CNTN6: variants seen among roughly 807,000 people sequenced by gnomAD.
CNTN6 encodes the protein contactin-6.
Under a neutral mutation model 122.8 loss-of-function variants are expected in CNTN6, and 137 were observed. The observed-to-expected ratio is 1.12, with a 90% CI of 0.97 to 1.29. The LOEUF is 1.29. Among genes scored for constraint, CNTN6 ranks in the 50% most tolerant of loss-of-function variants. The pLI, the probability that CNTN6 is intolerant of heterozygous loss-of-function variation, is 0.00. For synonymous variants in CNTN6, 570 were observed against 426.0 expected (o/e 1.34, Z -4.16); for missense variants, 1,634 against 1,223.4 (o/e 1.34, Z -5.01).
At chr3:1,297,372 T>C (rs755749421) in intron 6 of CNTN6, among the ~76,000 whole-genome samples, 1 of 152,184 alleles carries the variant, frequency 6.6e-6, no homozygotes, top group Non-Finnish European at 1.5e-5. Context: ...GTATTTACAA[T>C]AGGTTATACC....
At chr3:1,181,190 C>T (rs1031172622) in intron 2 of CNTN6, among the ~76,000 whole-genome samples, 1 of 152,076 alleles carries the variant, frequency 6.6e-6, no homozygotes, top group African/African-American at 2.4e-5. Context: ...CTCTGTGAAG[C>T]AGTACTATTT....
In CNTN6 at chr3:1,305,837, T is replaced by C. The variant is rs374985253; in HGVS notation, c.761+7846T>C. 1.1e-4 allele frequency among the ~76,000 whole-genome samples: 17 copies of C among 152,280 alleles called. No homozygotes were observed. In the East Asian group the frequency reaches 2.9e-3, roughly 26 times the overall value. On this transcript the variant is annotated intron_variant, in intron 7 of 22. Coordinates refer to ENST00000446702, the MANE Select transcript of CNTN6 (RefSeq NM_001289080.2). ...TTTTTCTAATTTATGAAGCTAAAGATACCCAGCTTGGCTATTAATGTCAAG... is the reference window on the plus strand; with the variant it reads ...TTTTTCTAATTTATGAAGCTAAAGACACCCAGCTTGGCTATTAATGTCAAG...
chr3:1,104,750 C>A (rs1490809425), intron 1 of CNTN6, among the ~76,000 whole-genome samples: 1 of 151,732 alleles, frequency 6.6e-6, no homozygotes, highest in Admixed American at 6.6e-5. Flanking sequence ...TATGTGTGTA[C>A]GTGTGTGCGT....
At chr3:1,357,409 C>T (rs1706748401) in intron 12 of CNTN6, among the ~76,000 whole-genome samples, 1 of 151,772 alleles carries the variant, frequency 6.6e-6, no homozygotes. Context: ...TATTATTATT[C>T]ATTACTATTT....
chr3:1,118,090 T>C (rs1316004450), intron 1 of CNTN6, among the ~76,000 whole-genome samples: 1 of 152,172 alleles, frequency 6.6e-6, no homozygotes, highest in African/African-American at 2.4e-5. Flanking sequence ...GAGGATTAAA[T>C]TATATGCTCC....
chr3:1,287,864 C>G (rs930413122), intron 5 of CNTN6, among the ~76,000 whole-genome samples: 1 of 152,176 alleles, frequency 6.6e-6, no homozygotes, highest in African/African-American at 2.4e-5. Context: ...CCTCCTCTTT[C>G]CCAGAAAACT....
intron 14 of CNTN6, 50 bp from the exon 15 acceptor site, chr3:1,373,554 A>G: frequency 7.0e-6 from 11 of 1,567,188 alleles, no homozygotes; most frequent in Non-Finnish European, 9.5e-6. Flanking sequence ...GTACCAAATT[A>G]ATGAATGTAA....
chr3:1,122,295 G>C (rs1052560322), intron 1 of CNTN6, among the ~76,000 whole-genome samples: 2 of 147,726 alleles, frequency 1.4e-5, no homozygotes, highest in Non-Finnish European at 3.0e-5. Flanking sequence ...AAGAGGAAGA[G>C]AGAAATAAAT....
intron 10 of CNTN6, among the ~76,000 whole-genome samples, chr3:1,328,321 A>T (rs1701820483): frequency 6.6e-6 from 1 of 151,856 alleles, no homozygotes; most frequent in South Asian, 2.1e-4. Flanking sequence ...GGTGTCTGCC[A>T]CAATAAATGA....
At chr3:1,300,404 G>A (rs976363646) in intron 7 of CNTN6, among the ~76,000 whole-genome samples, 12 of 150,698 alleles carry the variant, frequency 8.0e-5, no homozygotes, top group Middle Eastern at 3.4e-3. Flanking sequence ...CTCTGTCTCA[G>A]GATTGATGAC....
At chr3:1,100,059 C>A (rs1163226013) in intron 1 of CNTN6, among the ~76,000 whole-genome samples, 12 of 151,846 alleles carry the variant, frequency 7.9e-5, no homozygotes, top group Non-Finnish European at 4.4e-5. Flanking sequence ...TTTAAACTGC[C>A]CCCAATATTT....
At chr3:1,229,907 C>T (rs1405143132) in intron 4 of CNTN6, among the ~76,000 whole-genome samples, 1 of 152,158 alleles carries the variant, frequency 6.6e-6, no homozygotes, top group Admixed American at 6.5e-5. Context: ...AATCTTTCTT[C>T]TGCAAAGTTA....
rs115515101 is a variant in CNTN6, at chr3:1,137,208, C to A, written c.-82-10719C>A. On this transcript the variant is annotated intron_variant, in intron 1 of 22. Transcript: ENST00000446702. Reference sequence around the variant, plus strand: ...AGGTAATATGAAAGAGTGAAGGGAACTAGGTGTGAGACAATAGGGGGTGTC... The same window carrying A: ...AGGTAATATGAAAGAGTGAAGGGAAATAGGTGTGAGACAATAGGGGGTGTC... Among the ~76,000 whole-genome samples, 250 of 152,232 alleles carry A rather than the reference C, an allele frequency of 1.6e-3. 1 individual carries two copies. Among genetic ancestry groups the A allele is most frequent in the Non-Finnish European group, 2.9e-3 (196 of 68,020 alleles).
intron 11 of CNTN6, among the ~76,000 whole-genome samples, chr3:1,342,124 TTTTGTTTG>T (rs569765087): frequency 4.6e-4 from 70 of 152,070 alleles, no homozygotes; most frequent in African/African-American, 1.5e-3. Flanking sequence ...GGTCTATTTC[TTTTGTTTG>T]TTTGTTTGTT....
At chr3:1,142,679 C>G (rs1158574588) in intron 1 of CNTN6, among the ~76,000 whole-genome samples, 1 of 151,856 alleles carries the variant, frequency 6.6e-6, no homozygotes, top group Non-Finnish European at 1.5e-5. Context: ...TCAGCCCTGC[C>G]TTTGTAGCAC....
At chr3:1,349,427 T>C (rs1705272379) in intron 11 of CNTN6, among the ~76,000 whole-genome samples, 1 of 151,844 alleles carries the variant, frequency 6.6e-6, no homozygotes, top group South Asian at 2.1e-4. Context: ...GAAGCATATA[T>C]GCAAATGAAG....
intron 1 of CNTN6, among the ~76,000 whole-genome samples, chr3:1,146,251 G>A (rs1238929300): frequency 6.6e-6 from 1 of 151,930 alleles, no homozygotes; most frequent in African/African-American, 2.4e-5. Flanking sequence ...GTATATTTCA[G>A]CCTCTTTCCC....
chr3:1,392,879 A>G (rs1211088599), intron 20 of CNTN6, among the ~76,000 whole-genome samples: 1 of 129,746 alleles, frequency 7.7e-6, no homozygotes, highest in African/African-American at 2.9e-5. Flanking sequence ...ACCACTTAGA[A>G]TGGCGATCAT....
chr3:1,255,282 G>C (rs2094735351), intron 4 of CNTN6, among the ~76,000 whole-genome samples: 1 of 152,054 alleles, frequency 6.6e-6, no homozygotes, highest in South Asian at 2.1e-4. Flanking sequence ...GGTACAGGAA[G>C]GTGAAAAATT....
Sources: allele counts gnomAD v4.1 joint callset (sites outside exome capture counted in the v4.1 genomes callset), GRCh38; gene constraint gnomAD v4.1.1; transcripts MANE v1.5; gene names NCBI Gene and HGNC (gene_info 2026-07-23, HGNC 2026-07-21).